The following SEMA6A variants were observed in gnomAD, a reference collection of about 807,000 sequenced individuals.
SEMA6A encodes semaphorin 6A.
A neutral mutation model predicts 96.8 loss-of-function variants in SEMA6A; 25 were observed. The ratio of observed to expected loss-of-function variants is 0.26; its 90% CI spans 0.19 to 0.36. The LOEUF (loss-of-function observed/expected upper bound fraction) is 0.36. Among genes scored for constraint, SEMA6A ranks in the 10% least tolerant of loss-of-function variants. The pLI, the probability that SEMA6A is intolerant of heterozygous loss-of-function variation, is 1.00. For synonymous variants in SEMA6A, 612 were observed against 518.0 expected (o/e 1.18, Z -2.46); for missense variants, 1,363 against 1,323.1 (o/e 1.03, Z -0.47).
chr5:116,519,371 A>G (rs781070903), intron 1 of SEMA6A, among the ~76,000 whole-genome samples: 2 of 152,236 alleles, frequency 1.3e-5, no homozygotes, highest in Non-Finnish European at 2.9e-5. Context: ...AGGTACAAGC[A>G]AGAACATGAG....
At chr5:116,465,554 G>A (rs753336972) in intron 18 of SEMA6A, among the ~76,000 whole-genome samples, 21 of 152,180 alleles carry the variant, frequency 1.4e-4, no homozygotes, top group Non-Finnish European at 2.5e-4. Context: ...CACCCATGCA[G>A]TCACCTCTGC....
chr5:116,487,113 AAAAG>A (rs1159046280), intron 9 of SEMA6A, 147 bp from the exon 10 acceptor site: 10 of 619,396 alleles, frequency 1.6e-5, no homozygotes, highest in Admixed American at 3.0e-5. Context: ...AAAAAGAAAG[AAAAG>A]AAAAAAAGAG....
chr5:116,494,354 G>A (rs154603), intron 6 of SEMA6A, among the ~76,000 whole-genome samples: 131,492 of 152,196 alleles, frequency 0.86, 56,877 homozygotes, highest in Non-Finnish European at 0.88. Context: ...GCCTCATTCA[G>A]TGCTTTACAA....
chr5:116,499,129 T>C (rs1757752934), intron 3 of SEMA6A: 1 of 152,160 alleles, frequency 6.6e-6, no homozygotes, highest in African/African-American at 2.4e-5. Context: ...GGAAGCCTTT[T>C]AAACACAGAA....
chr5:116,465,780 T>C lies in SEMA6A; in HGVS notation c.1894+1803A>G, dbSNP rs557362376. Among the ~76,000 whole-genome samples the C allele has an allele frequency of 2.1e-4, 32 of 152,270 alleles. No homozygotes were observed. The South Asian group carries it at 6.6e-3, about 32-fold the overall frequency. ...AATTACTGCAACCAACAGCTAGATA[T>C]TTAGTTGGCATATTTAATGCTTTAT... On this transcript the variant is annotated intron_variant, in intron 18 of 18. Transcript: ENST00000343348.
In SEMA6A at chr5:116,561,829, A is replaced by C. The variant is rs141380646; in HGVS notation, c.-39+12356T>G. ...AAACGAAAGCATCACCCTCGGAGAT[A>C]TCCCTGGAGAATTAATTAACCAGCA... is the stretch of plus-strand genomic sequence containing the variant. On this transcript the variant is annotated intron_variant, in intron 1 of 18. Coordinates refer to ENST00000343348, the MANE Select transcript of SEMA6A (RefSeq NM_020796.5). Among the ~76,000 whole-genome samples, 519 of 152,348 alleles carry C rather than the reference A, an allele frequency of 3.4e-3. 5 individuals carry two copies. Among genetic ancestry groups the C allele is most frequent in the African/African-American group, 0.012 (497 of 41,578 alleles).
chr5:116,485,048 C>G (rs968760603), intron 10 of SEMA6A, among the ~76,000 whole-genome samples: 27 of 152,072 alleles, frequency 1.8e-4, no homozygotes, highest in Middle Eastern at 3.4e-3. Flanking sequence ...AGGGATGAAA[C>G]CAGAGAAAGT....
intron 1 of SEMA6A, among the ~76,000 whole-genome samples, chr5:116,533,969 C>G (rs1184120379): frequency 1.3e-5 from 2 of 152,202 alleles, no homozygotes; most frequent in Non-Finnish European, 2.9e-5. Context: ...CACTGATACT[C>G]CCTAAATATG....
chr5:116,507,341 AC>A (rs1391855671), intron 1 of SEMA6A, among the ~76,000 whole-genome samples: 1 of 152,054 alleles, frequency 6.6e-6, no homozygotes, highest in African/African-American at 2.4e-5. Context: ...TTGGGCCCTA[AC>A]CCTTGTAAAT....
chr5:116,483,518 G>C (rs1042775656), intron 10 of SEMA6A, among the ~76,000 whole-genome samples: 2 of 152,184 alleles, frequency 1.3e-5, no homozygotes, highest in Admixed American at 6.5e-5. Flanking sequence ...ATATCATCCA[G>C]AGAGAATGAT....
chr5:116,543,418 T>C (rs1233964639), intron 1 of SEMA6A, among the ~76,000 whole-genome samples: 4 of 152,210 alleles, frequency 2.6e-5, no homozygotes. Context: ...TTTTCTCTTG[T>C]TTAGTTTATA....
At chr5:116,527,678 T>C (rs1004529908) in intron 1 of SEMA6A, among the ~76,000 whole-genome samples, 1 of 151,788 alleles carries the variant, frequency 6.6e-6, no homozygotes, top group African/African-American at 2.4e-5. Flanking sequence ...TCAACAATTC[T>C]TTTATTTTTT....
intron 1 of SEMA6A, chr5:116,550,665 T>C (rs1760366212): frequency 6.6e-6 from 1 of 152,216 alleles, no homozygotes; most frequent in South Asian, 2.1e-4. Flanking sequence ...ATAACAGTAA[T>C]AACAGTGCTT....
chr5:116,548,404 TTG>T (rs1283770682), intron 1 of SEMA6A, among the ~76,000 whole-genome samples: 8 of 152,156 alleles, frequency 5.3e-5, no homozygotes, highest in African/African-American at 1.7e-4. Context: ...AAGGTCCTGC[TTG>T]GGTTCTGGAG....
At chr5:116,491,647 A>C in intron 7 of SEMA6A, 93 bp downstream of exon 7, 1 of 912,942 alleles carries the variant, frequency 1.1e-6, no homozygotes. Flanking sequence ...ATCAAAGCAC[A>C]ACTGTGACTC....
chr5:116,532,616 T>C (rs1006339229), intron 1 of SEMA6A, among the ~76,000 whole-genome samples: 1 of 152,176 alleles, frequency 6.6e-6, no homozygotes, highest in Non-Finnish European at 1.5e-5. Flanking sequence ...GGGGTGTGTT[T>C]ATTTGATGGT....
At chr5:116,488,610 G>A (rs1330896879) in intron 8 of SEMA6A, among the ~76,000 whole-genome samples, 2 of 152,124 alleles carry the variant, frequency 1.3e-5, no homozygotes, top group African/African-American at 2.4e-5. Flanking sequence ...TTCTTTTCAT[G>A]CAGAACTCAG....
intron 1 of SEMA6A, among the ~76,000 whole-genome samples, chr5:116,534,442 T>G (rs1759624435): frequency 6.6e-6 from 1 of 152,210 alleles, no homozygotes; most frequent in Non-Finnish European, 1.5e-5. Flanking sequence ...CATTCCAGCC[T>G]GTCTTTTGAG....
In SEMA6A at chr5:116,553,016, G is replaced by A. The variant is rs376336922; in HGVS notation, c.-39+21169C>T. On this transcript the variant is annotated intron_variant, in intron 1 of 18. Transcript: ENST00000343348. ...GCATTCGCTCATTGTGAATCTTTGTGAGTCACCAAAGGACACTTCTCCATT... is the reference window on the plus strand; with the variant it reads ...GCATTCGCTCATTGTGAATCTTTGTAAGTCACCAAAGGACACTTCTCCATT... 2.0e-5 allele frequency among the ~76,000 whole-genome samples: 3 copies of A among 152,272 alleles called. No individual in the cohort carries two copies. The South Asian group carries it at 6.2e-4, about 32-fold the overall frequency.
Sources: gnomAD v4.1 joint callset for allele counts (sites outside exome capture counted in the v4.1 genomes callset) on GRCh38, gnomAD v4.1.1 for gene constraint, MANE v1.5 for transcripts, NCBI Gene and HGNC (gene_info 2026-07-23, HGNC 2026-07-21) for gene names.